Variants in TGFBRAP1 observed in about 807,000 individuals in gnomAD.
TGFBRAP1 encodes the protein transforming growth factor beta receptor associated protein 1, also known as transforming growth factor-beta receptor-associated protein 1.
Under a neutral mutation model 83.2 loss-of-function variants are expected in TGFBRAP1, and 20 were observed. That is an observed-to-expected ratio of 0.24 (90% confidence interval 0.17 to 0.35). The LOEUF is 0.35. TGFBRAP1 is among the 10% of genes least tolerant of loss of function. TGFBRAP1 has a pLI of 1.00. For synonymous variants in TGFBRAP1, 415 were observed against 459.8 expected (o/e 0.90, Z 1.25); for missense variants, 950 against 1,099.4 (o/e 0.86, Z 1.92).
intron 1 of TGFBRAP1, among the ~76,000 whole-genome samples, chr2:105,316,669 C>G (rs184976996): frequency 9.9e-5 from 15 of 152,040 alleles, no homozygotes; most frequent in Admixed American, 9.8e-4. Context: ...CAAAAATTAG[C>G]TGGGCGTGGC....
chr2:105,283,709 T>C lies in TGFBRAP1; in HGVS notation c.1121+607A>G, dbSNP rs1264744102. 3.3e-5 allele frequency among the ~76,000 whole-genome samples: 5 copies of C among 152,180 alleles called. No individual in the cohort carries two copies. The East Asian group carries it at 9.6e-4, about 29-fold the overall frequency. On this transcript the variant is annotated intron_variant, in intron 5 of 11. Coordinates refer to ENST00000393359, the MANE Select transcript of TGFBRAP1 (RefSeq NM_004257.6). ...AGGTGGCATGACAGCAAGGCGTGCC[T>C]GTAAGGCAGGTGTGGCGGGCAGGGG...
chr2:105,250,598 TCCTCTCCCTCTCCCTCCTCTC>T, the TGFBRAP1 span, among the ~76,000 whole-genome samples: 7 of 131,236 alleles, frequency 5.3e-5, no homozygotes, highest in Non-Finnish European at 8.6e-5. Flanking sequence ...TCCCTCTCCC[TCCTCTCCCTCTCCCTCCTCTC>T]CCTCTCCCTC....
intron 1 of TGFBRAP1, among the ~76,000 whole-genome samples, chr2:105,318,081 A>T (rs1678942056): frequency 6.6e-6 from 1 of 152,216 alleles, no homozygotes; most frequent in African/African-American, 2.4e-5. Flanking sequence ...AGCCCCTGCC[A>T]TGACTGAGTA....
At chr2:105,249,642 C>A in the TGFBRAP1 span, 2 of 152,248 alleles carry the variant, frequency 1.3e-5, no homozygotes, top group East Asian at 3.9e-4. Flanking sequence ...AGGAGATGAA[C>A]TTTGCCAGGA....
Position 105,275,584 on chromosome 2 carries a change from A to G in TGFBRAP1, c.1641T>C (p.Asp547=), listed in dbSNP as rs147670338. 3.7e-5 allele frequency: 60 copies of G among 1,614,116 alleles called. No individual in the cohort carries two copies. In the African/African-American group the frequency reaches 7.3e-4, roughly 20 times the overall value. Residue 547 remains aspartate, a synonymous_variant, in exon 8 of 12, where the codon GAT becomes GAC. Transcript: ENST00000393359. ...CCTCTTCACTTTTCTGCAGGACCCAATCAGCATAGGCCCACACTAGTTCCT... is the reference window on the plus strand; with the variant it reads ...CCTCTTCACTTTTCTGCAGGACCCAGTCAGCATAGGCCCACACTAGTTCCT... ...LDEELVWAYA[D]WVLQKSEEVG...
At chr2:105,263,839 TCACAC>T (rs1676843685), downstream of TGFBRAP1, among the ~76,000 whole-genome samples, 1 of 151,214 alleles carries the variant, frequency 6.6e-6, no homozygotes, top group South Asian at 2.1e-4. Flanking sequence ...TGAGCCGAGA[TCACAC>T]CATTGCACTC....
At chr2:105,250,609 TCCCTCCTCTC>T in the TGFBRAP1 span, among the ~76,000 whole-genome samples, 3 of 84,436 alleles carry the variant, frequency 3.6e-5, 1 homozygote, top group South Asian at 6.6e-4. Context: ...CCTCTCCCTC[TCCCTCCTCTC>T]CCTCTCCCTC....
At chr2:105,310,915 G>A (rs1183116690) in intron 1 of TGFBRAP1, among the ~76,000 whole-genome samples, 1 of 152,052 alleles carries the variant, frequency 6.6e-6, no homozygotes, top group Non-Finnish European at 1.5e-5. Flanking sequence ...TATAAATTGT[G>A]TCTCCCTTTG....
chr2:105,316,615 G>C (rs1387893943), intron 1 of TGFBRAP1, among the ~76,000 whole-genome samples: 2 of 151,908 alleles, frequency 1.3e-5, no homozygotes, highest in Non-Finnish European at 2.9e-5. Context: ...AGGAGTTCGA[G>C]ACCAGCCTGG....
rs1335842067 is a variant in TGFBRAP1 at position 105,265,601 on chromosome 2, C to T, written c.*1782G>A. 1.3e-5 allele frequency: 2 copies of T among 152,652 alleles called. No individual in the cohort carries two copies. Among genetic ancestry groups the T allele is most frequent in the Non-Finnish European group, 1.5e-5 (1 of 68,062 alleles). The allele number at this position is 152,652 out of a possible 1,614,324, so 9.5% of individuals were successfully genotyped here. A position where few individuals can be genotyped will look rare whatever the true frequency, so the allele number is the denominator to read the frequency against. ...TTTGAGAAATATAAACTCAAACTCA[C>T]AAGTTGTCATGATAACATATGCAGT... On this transcript the variant is annotated 3_prime_UTR_variant, in exon 12 of 12. Coordinates refer to ENST00000393359, the MANE Select transcript of TGFBRAP1 (RefSeq NM_004257.6).
In TGFBRAP1 at chr2:105,269,142, G is replaced by A; in HGVS notation, c.2406+130C>T. Reference sequence around the variant, plus strand: ...ACCTCAGTTTCTATGAGTAGGATCAGATATTGATGTGTTGTAGTCATAGAG... The same window carrying A: ...ACCTCAGTTTCTATGAGTAGGATCAAATATTGATGTGTTGTAGTCATAGAG... On this transcript the variant is annotated intron_variant, in intron 11 of 11. Coordinates refer to ENST00000393359, the MANE Select transcript of TGFBRAP1 (RefSeq NM_004257.6). The surrounding 1 kb of genome is among the most constrained non-coding windows in gnomAD (Gnocchi z 4.1). 1.7e-6 allele frequency: 2 copies of A among 1,182,238 alleles called. No individual in the cohort carries two copies. The highest frequency in any genetic ancestry group is 2.3e-6 in the Non-Finnish European group (2 of 868,696). 73.2% of individuals were successfully genotyped at this position (1,182,238 alleles called of 1,614,324 possible). A position where few individuals can be genotyped will look rare whatever the true frequency, so the allele number is the denominator to read the frequency against.
chr2:105,296,716 T>C (rs1017615386), intron 3 of TGFBRAP1, among the ~76,000 whole-genome samples: 1 of 150,716 alleles, frequency 6.6e-6, no homozygotes, highest in Non-Finnish European at 1.5e-5. Flanking sequence ...ACTCTTACTA[T>C]GACATTTCCA....
intron 10 of TGFBRAP1, among the ~76,000 whole-genome samples, chr2:105,272,475 A>G (rs1677189064): frequency 1.3e-5 from 2 of 152,170 alleles, no homozygotes; most frequent in South Asian, 4.1e-4. Context: ...CCAGGGCAGC[A>G]CCAACATCAT....
At chr2:105,296,813 G>A (rs1485325195) in intron 3 of TGFBRAP1, among the ~76,000 whole-genome samples, 3 of 120,380 alleles carry the variant, frequency 2.5e-5, no homozygotes, top group Admixed American at 1.1e-4. Context: ...TGTAAAATCA[G>A]TGTAGTAAAC....
At chr2:105,273,139 T>C (rs998677771) in intron 9 of TGFBRAP1, 125 bp from the exon 10 acceptor site, 4 of 1,230,792 alleles carry the variant, frequency 3.2e-6, no homozygotes, top group Non-Finnish European at 2.2e-6. Flanking sequence ...AGATGCTCAC[T>C]TGCTGGATCG....
intron 7 of TGFBRAP1, among the ~76,000 whole-genome samples, chr2:105,276,149 G>A (rs1677334924): frequency 6.6e-6 from 1 of 152,152 alleles, no homozygotes; most frequent in South Asian, 2.1e-4. Context: ...GACTGTGATA[G>A]GCAGATGTTG....
intron 2 of TGFBRAP1, among the ~76,000 whole-genome samples, chr2:105,307,115 A>C (rs952761582): frequency 1.3e-5 from 2 of 152,176 alleles, no homozygotes; most frequent in African/African-American, 4.8e-5. Context: ...AAACTTTAAG[A>C]CAGAGGTGGG....
At chr2:105,315,111 C>G (rs984229917) in intron 1 of TGFBRAP1, among the ~76,000 whole-genome samples, 5 of 151,050 alleles carry the variant, frequency 3.3e-5, no homozygotes, top group African/African-American at 1.2e-4. Flanking sequence ...ATTTCTAGCC[C>G]CAAAATTAGA....
Position 105,275,556 on chromosome 2 carries a change from A to G in TGFBRAP1, c.1665+4T>C. On this transcript the variant is annotated splice_donor_region_variant and intron_variant, in intron 8 of 11. Coordinates refer to ENST00000393359, the MANE Select transcript of TGFBRAP1 (RefSeq NM_004257.6). ...AAGAGAATGCATTTTTACGAAGCACAAACCTCTTCACTTTTCTGCAGGACC... is the reference window on the plus strand; with the variant it reads ...AAGAGAATGCATTTTTACGAAGCACGAACCTCTTCACTTTTCTGCAGGACC... 1 of 1,613,732 alleles carries G rather than the reference A, an allele frequency of 6.2e-7. No homozygotes were observed. Among genetic ancestry groups the G allele is most frequent in the Non-Finnish European group, 8.5e-7 (1 of 1,179,914 alleles).
Sources: allele counts gnomAD v4.1 joint callset (sites outside exome capture counted in the v4.1 genomes callset), GRCh38; gene constraint gnomAD v4.1.1; non-coding constraint Gnocchi (gnomAD v3.1); transcripts MANE v1.5; gene names NCBI Gene and HGNC (gene_info 2026-07-23, HGNC 2026-07-21).